Variants in ZBTB20 observed in about 807,000 individuals in gnomAD.
ZBTB20 encodes the protein zinc finger and BTB domain containing 20.
A neutral mutation model predicts 56.9 loss-of-function variants in ZBTB20; 9 were observed. The observed-to-expected ratio is 0.16, with a 90% CI of 0.10 to 0.28. The LOEUF is 0.28. Ranked by LOEUF, ZBTB20 falls within the 10% of genes least tolerant of loss-of-function variation. The probability of loss-of-function intolerance (pLI) is 1.00; values close to 1 mark genes in which losing one functional copy is unlikely to be tolerated. For missense variants in ZBTB20, 655 were observed against 1,003.0 expected (o/e 0.65, Z 4.69); for synonymous variants, 417 against 420.7 (o/e 0.99, Z 0.11).
chr3:114,537,181 T>G (rs1559927747), intron 6 of ZBTB20, among the ~76,000 whole-genome samples: 1 of 152,110 alleles, frequency 6.6e-6, no homozygotes. Flanking sequence ...CAAAAGAAAC[T>G]ATCATCAGAG....
intron 6 of ZBTB20, among the ~76,000 whole-genome samples, chr3:114,522,761 A>T (rs2046784042): frequency 6.6e-6 from 1 of 152,152 alleles, no homozygotes. Context: ...GGAGAGAAAT[A>T]AATTTTTGAT....
intron 7 of ZBTB20, among the ~76,000 whole-genome samples, chr3:114,424,148 C>T (rs914055096): frequency 1.3e-5 from 2 of 152,178 alleles, no homozygotes; most frequent in Non-Finnish European, 2.9e-5. Context: ...CACATAACAA[C>T]CTTAATTCAG....
intron 8 of ZBTB20, among the ~76,000 whole-genome samples, chr3:114,386,547 T>G (rs2085147829): frequency 6.6e-6 from 1 of 152,080 alleles, no homozygotes; most frequent in South Asian, 2.1e-4. Flanking sequence ...AGTAAAATGG[T>G]GATGAATTCT....
chr3:114,752,863 C>T (rs1006832298), intron 5 of ZBTB20, among the ~76,000 whole-genome samples: 1 of 152,134 alleles, frequency 6.6e-6, no homozygotes, highest in Non-Finnish European at 1.5e-5. Flanking sequence ...ACTTATCTAC[C>T]TCTTAGAGCT....
chr3:114,640,206 C>T (rs1206940902), intron 6 of ZBTB20, among the ~76,000 whole-genome samples: 1 of 151,944 alleles, frequency 6.6e-6, no homozygotes, highest in Non-Finnish European at 1.5e-5. Flanking sequence ...GTCTTTTGGT[C>T]CAACAGTTTG....
intron 6 of ZBTB20, among the ~76,000 whole-genome samples, chr3:114,573,680 AG>A (rs554006339): frequency 2.2e-3 from 338 of 152,222 alleles, no homozygotes; most frequent in Non-Finnish European, 4.1e-3. Flanking sequence ...GATCCAAAAA[AG>A]AAAAAGAAAT....
chr3:115,138,129 A>G (rs1239453773), intron 1 of ZBTB20, among the ~76,000 whole-genome samples: 1 of 151,900 alleles, frequency 6.6e-6, no homozygotes, highest in Non-Finnish European at 1.5e-5. Context: ...CCTCACCCCT[A>G]TTTCTGCATG....
chr3:114,535,946 A>G (rs2048411249), intron 6 of ZBTB20, among the ~76,000 whole-genome samples: 1 of 152,224 alleles, frequency 6.6e-6, no homozygotes, highest in Non-Finnish European at 1.5e-5. Flanking sequence ...AAAATTCAAC[A>G]CCGCTTTATG....
intron 2 of ZBTB20, among the ~76,000 whole-genome samples, chr3:115,001,559 C>G (rs1282008229): frequency 6.6e-6 from 1 of 150,570 alleles, no homozygotes; most frequent in East Asian, 2.0e-4. Flanking sequence ...AATTGAGAGT[C>G]AGGCATTAAA....
chr3:114,505,916 T>C (rs1015555598), intron 6 of ZBTB20, among the ~76,000 whole-genome samples: 1 of 152,178 alleles, frequency 6.6e-6, no homozygotes, highest in Non-Finnish European at 1.5e-5. Context: ...TGACATTTCA[T>C]GCATCTTGAA....
chr3:114,320,528 T>C lies in ZBTB20; in HGVS notation c.*18477A>G, dbSNP rs1436518884. On this transcript the variant is annotated 3_prime_UTR_variant, in exon 12 of 12. Transcript: ENST00000675478. ...TACATAATTCCAACTATGGTATGAT[T>C]GGCAAGCACTGGTTAAAAAACAGGT... 1.3e-5 allele frequency: 2 copies of C among 152,340 alleles called. No homozygotes were observed. Among genetic ancestry groups the C allele is most frequent in the East Asian group, 3.9e-4 (2 of 5,192 alleles). 9.4% of individuals were successfully genotyped at this position (152,340 alleles called of 1,614,324 possible).
At chr3:115,114,395 T>TA (rs1239133025) in intron 1 of ZBTB20, among the ~76,000 whole-genome samples, 1 of 152,156 alleles carries the variant, frequency 6.6e-6, no homozygotes. Context: ...CTGTGCTTAC[T>TA]ACATCAAAAT....
intron 1 of ZBTB20, among the ~76,000 whole-genome samples, chr3:115,146,088 G>A (rs1356303781): frequency 1.3e-5 from 2 of 152,146 alleles, no homozygotes; most frequent in South Asian, 2.1e-4. Context: ...TGCTGATTCT[G>A]AGGACAGTAC....
intron 10 of ZBTB20, among the ~76,000 whole-genome samples, chr3:114,352,215 G>A (rs1336442404): frequency 1.3e-5 from 2 of 152,148 alleles, no homozygotes; most frequent in Non-Finnish European, 2.9e-5. Context: ...AGAACTGAAA[G>A]GCAAATGGAA....
intron 10 of ZBTB20, among the ~76,000 whole-genome samples, chr3:114,352,210 T>G (rs1017103436): frequency 6.6e-6 from 1 of 152,200 alleles, no homozygotes; most frequent in Non-Finnish European, 1.5e-5. Flanking sequence ...AGCAAAGAAC[T>G]GAAAGGCAAA....
At chr3:115,130,844 C>T (rs75480340) in intron 1 of ZBTB20, among the ~76,000 whole-genome samples, 8,910 of 152,216 alleles carry the variant, frequency 0.059, 874 homozygotes, top group African/African-American at 0.2. Context: ...TCACCACAAC[C>T]TGCACCTCCC....
chr3:114,961,605 G>C (rs983680253), intron 3 of ZBTB20, among the ~76,000 whole-genome samples: 1 of 152,056 alleles, frequency 6.6e-6, no homozygotes, highest in Non-Finnish European at 1.5e-5. Flanking sequence ...CTCCATTTCT[G>C]TTTTTAAAAA....
intron 2 of ZBTB20, among the ~76,000 whole-genome samples, chr3:115,041,991 C>T (rs2081163138): frequency 6.6e-6 from 1 of 151,920 alleles, no homozygotes; most frequent in Non-Finnish European, 1.5e-5. Context: ...TTTATTTCTG[C>T]CTTCCTCTCT....
chr3:114,869,770 T>A (rs937232387), intron 4 of ZBTB20, among the ~76,000 whole-genome samples: 1 of 152,244 alleles, frequency 6.6e-6, no homozygotes, highest in African/African-American at 2.4e-5. Flanking sequence ...GCTTTTCTAA[T>A]CTTTGTGTAG....
Sources: allele counts gnomAD v4.1 joint callset (sites outside exome capture counted in the v4.1 genomes callset), GRCh38; gene constraint gnomAD v4.1.1; transcripts MANE v1.5; gene names NCBI Gene and HGNC (gene_info 2026-07-23, HGNC 2026-07-21).